Variants in OR9Q1 observed in about 807,000 individuals in gnomAD.
OR9Q1 encodes the protein olfactory receptor 9Q1.
For synonymous variants in OR9Q1, 153 were observed against 148.6 expected, an observed-to-expected ratio of 1.03 and a Z score of -0.22; for missense variants, 374 against 378.8, an observed-to-expected ratio of 0.99 and a Z score of 0.11.
At chr11:58,126,070 T>G (rs2443442) in intron 2 of OR9Q1, among the ~76,000 whole-genome samples, 150,717 of 152,204 alleles carry the variant, frequency 0.99, 74,639 homozygotes, top group East Asian at 1. Flanking sequence ...ATGAGTCTGG[T>G]GTGGTCTAAA....
At chr11:58,086,339 T>C (rs1302882565) in intron 2 of OR9Q1, among the ~76,000 whole-genome samples, 2 of 151,870 alleles carry the variant, frequency 1.3e-5, no homozygotes, top group Admixed American at 6.6e-5. Context: ...TTAGAAAAGA[T>C]ATTAAAAAGA....
At position 58,179,986 on chromosome 11, in the gene OR9Q1, T is replaced by C; in HGVS notation, c.542T>C (p.Leu181Pro). ...GAGATTGACTTTATTTTCTGTGACC[T>C]CCCTCCTCTGTTAAAGTTGACCTGT... ...TSEIDFIFCD[L>P]PPLLKLTCGE... Residue 181 changes from leucine to proline, a missense_variant, in exon 3 of 3, where the codon CTC becomes CCC. Physicochemically the swap from Leu to Pro is moderately conservative, Grantham distance 98. Transcript: ENST00000335397. 6.2e-7 allele frequency: 1 copy of C among 1,614,142 alleles called. No homozygotes were observed. The highest frequency in any genetic ancestry group is 8.5e-7 in the Non-Finnish European group (1 of 1,180,014).
intron 2 of OR9Q1, among the ~76,000 whole-genome samples, chr11:58,072,057 TAAAATA>T (rs1276515802): frequency 2.0e-5 from 3 of 152,156 alleles, no homozygotes; most frequent in African/African-American, 4.8e-5. Flanking sequence ...CAATTGCACT[TAAAATA>T]AAAGTTAAAA....
At chr11:58,076,411 C>A (rs542255267) in intron 2 of OR9Q1, among the ~76,000 whole-genome samples, 31 of 152,144 alleles carry the variant, frequency 2.0e-4, no homozygotes, top group Non-Finnish European at 4.0e-4. Context: ...AGCTGTGGTG[C>A]CCATTTCCTG....
chr11:58,109,487 CG>C, intron 2 of OR9Q1: 1 of 463,174 alleles, frequency 2.2e-6, no homozygotes. Flanking sequence ...AAGAAGTACA[CG>C]GGGGTGTGGA....
chr11:58,167,218 ATTAT>A (rs1387640542), intron 2 of OR9Q1, among the ~76,000 whole-genome samples: 2 of 152,184 alleles, frequency 1.3e-5, no homozygotes, highest in Non-Finnish European at 2.9e-5. Flanking sequence ...CTGTTAAAAT[ATTAT>A]TTATTAGTTT....
intron 2 of OR9Q1, among the ~76,000 whole-genome samples, chr11:58,080,370 A>G (rs1195395037): frequency 6.6e-6 from 1 of 152,166 alleles, no homozygotes; most frequent in Admixed American, 6.6e-5. Context: ...TATGTACCAC[A>G]TTAAAAAAAT....
At chr11:58,117,555 T>C (rs1034682409) in intron 2 of OR9Q1, 11 of 152,240 alleles carry the variant, frequency 7.2e-5, no homozygotes, top group African/African-American at 2.7e-4. Context: ...TCAAGGGTTT[T>C]ACAGTCTGGT....
At chr11:58,076,055 T>C (rs553646990) in intron 2 of OR9Q1, among the ~76,000 whole-genome samples, 1 of 152,222 alleles carries the variant, frequency 6.6e-6, no homozygotes, top group Non-Finnish European at 1.5e-5. Context: ...CTCACTAGAA[T>C]GGCAGACATG....
intron 1 of OR9Q1, among the ~76,000 whole-genome samples, chr11:58,037,684 TATATA>T (rs1204904069): frequency 0.016 from 145 of 9,120 alleles, 3 homozygotes; most frequent in East Asian, 0.078. Context: ...TATATATATA[TATATA>T]TTTTTTTTTT....
intron 2 of OR9Q1, among the ~76,000 whole-genome samples, chr11:58,068,693 C>T (rs1472475507): frequency 6.6e-6 from 1 of 152,126 alleles, no homozygotes; most frequent in African/African-American, 2.4e-5. Context: ...AAGAGCTTTT[C>T]CAATTTTCAA....
intron 1 of OR9Q1, among the ~76,000 whole-genome samples, chr11:58,053,478 T>C (rs1276590460): frequency 1.4e-5 from 2 of 137,948 alleles, no homozygotes; most frequent in Non-Finnish European, 3.1e-5. Flanking sequence ...GGGATAGCAT[T>C]AGGAGATATA....
intron 2 of OR9Q1, among the ~76,000 whole-genome samples, chr11:58,160,941 C>T (rs755523772): frequency 2.6e-5 from 4 of 152,146 alleles, no homozygotes; most frequent in Non-Finnish European, 4.4e-5. Flanking sequence ...CTAGAGTAAT[C>T]TCCTGGGAAC....
rs748918619 is a variant in OR9Q1, at chr11:58,180,120, A to G, written c.676A>G (p.Met226Val). ...CTACCTGTTTATCATCGTGGCCATC[A>G]TGGGGATCCCTGCTGGAAGCCAGGC... is the stretch of plus-strand genomic sequence containing the variant. ...VSYLFIIVAIMGIPAGSQAKT... is the reference protein window; with the variant it reads ...VSYLFIIVAIVGIPAGSQAKT... Residue 226 changes from methionine (M) to valine (V), a missense_variant, in exon 3 of 3, where the codon ATG becomes GTG. Transcript: ENST00000335397. The G allele has an allele frequency of 6.2e-7, 1 of 1,614,006 alleles. No homozygotes were observed. Among genetic ancestry groups the G allele is most frequent in the Non-Finnish European group, 8.5e-7 (1 of 1,180,026 alleles).
chr11:58,031,562 TTCCTGGTGTCTCTGGCTGTGCTACTGGCC>T (rs745891114), intron 1 of OR9Q1: 34 of 1,613,984 alleles, frequency 2.1e-5, no homozygotes, highest in Admixed American at 1.2e-4. Flanking sequence ...GACTGTGGAT[TTCCTGGTGTCTCTGGCTGTGCTACTGGCC>T]TCCTCTATGG....
At chr11:58,101,370 G>T (rs1263149126) in intron 2 of OR9Q1, among the ~76,000 whole-genome samples, 6 of 151,986 alleles carry the variant, frequency 3.9e-5, no homozygotes, top group Non-Finnish European at 7.4e-5. Context: ...GTTTTAATTT[G>T]CATTTGTCTA....
At position 58,180,052 on chromosome 11, in the gene OR9Q1, C is replaced by T. The variant is rs761057381; in HGVS notation, c.608C>T (p.Ala203Val). 9 of 1,614,160 alleles carry T rather than the reference C, an allele frequency of 5.6e-6. No homozygotes were observed. In the Admixed American group the frequency reaches 1.5e-4, roughly 27 times the overall value. The change falls in exon 3 of 3, where the codon GCC (alanine) becomes GTC (valine). Residue 203 changes from alanine to valine, a missense_variant. Coordinates refer to ENST00000335397, the MANE Select transcript of OR9Q1 (RefSeq NM_001005212.4). ...YTQEVLIIMFAIFVIPASMVV... is the reference protein window; with the variant it reads ...YTQEVLIIMFVIFVIPASMVV... Reference sequence around the variant, plus strand: ...CAAGAAGTGCTGATTATTATGTTTGCCATTTTTGTCATCCCTGCTTCCATG... The same window carrying T: ...CAAGAAGTGCTGATTATTATGTTTGTCATTTTTGTCATCCCTGCTTCCATG...
intron 2 of OR9Q1, among the ~76,000 whole-genome samples, chr11:58,111,662 A>G (rs940698133): frequency 3.3e-5 from 5 of 152,164 alleles, no homozygotes. Context: ...CAAAGGGACC[A>G]TACATGACAC....
intron 2 of OR9Q1, among the ~76,000 whole-genome samples, chr11:58,099,563 A>G (rs1276718880): frequency 1.3e-5 from 2 of 151,912 alleles, no homozygotes; most frequent in African/African-American, 4.8e-5. Flanking sequence ...TGTGGCATAT[A>G]ATTTTCCGTT....
Sources: allele counts gnomAD v4.1 joint callset (sites outside exome capture counted in the v4.1 genomes callset), GRCh38; gene constraint gnomAD v4.1.1; transcripts MANE v1.5; gene names NCBI Gene and HGNC (gene_info 2026-07-23, HGNC 2026-07-21).